The following COLEC11 variants were observed in gnomAD, a reference collection of about 807,000 sequenced individuals.
COLEC11 encodes the protein collectin subfamily member 11.
A neutral mutation model predicts 27.3 loss-of-function variants in COLEC11; 20 were observed. The observed-to-expected ratio is 0.73, with a 90% CI of 0.51 to 1.06. The LOEUF (loss-of-function observed/expected upper bound fraction) is 1.06. Among genes scored for constraint, COLEC11 ranks in the 50% least tolerant of loss-of-function variants. The probability of loss-of-function intolerance (pLI) is 0.00; values close to 1 mark genes in which losing one functional copy is unlikely to be tolerated. For missense variants in COLEC11, 310 were observed against 383.0 expected (o/e 0.81, Z 1.59); for synonymous variants, 163 against 154.7 (o/e 1.05, Z -0.40).
At chr2:3,636,270 C>T (rs1484659359) in intron 3 of COLEC11, among the ~76,000 whole-genome samples, 1 of 152,186 alleles carries the variant, frequency 6.6e-6, no homozygotes, top group Non-Finnish European at 1.5e-5. Context: ...TCCTGGCTAA[C>T]ATAGTGAAAC....
chr2:3,613,980 CTT>C (rs57071680), intron 3 of COLEC11, among the ~76,000 whole-genome samples: 1 of 131,124 alleles, frequency 7.6e-6, no homozygotes, highest in Non-Finnish European at 1.6e-5. Flanking sequence ...TTCTTTCTTT[CTT>C]TTTTTTTTTT....
chr2:3,622,867 C>CAA (rs1322432640), intron 3 of COLEC11, among the ~76,000 whole-genome samples: 2 of 152,166 alleles, frequency 1.3e-5, no homozygotes, highest in African/African-American at 4.8e-5. Flanking sequence ...CAGACTAAGG[C>CAA]AAGTATATAG....
At position 3,604,015 on chromosome 2, in the gene COLEC11, T is replaced by C. The variant is rs1009340841; in HGVS notation, c.-26-300T>C. On this transcript the variant is annotated intron_variant, in intron 1 of 6. Coordinates refer to ENST00000349077, the MANE Select transcript of COLEC11 (RefSeq NM_024027.5). Reference sequence around the variant, plus strand: ...CTACTCCACTCTGTGTAGGAATCGTTTGTCCCAGAGATCAGATCGAACTCC... The same window carrying C: ...CTACTCCACTCTGTGTAGGAATCGTCTGTCCCAGAGATCAGATCGAACTCC... The C allele has an allele frequency of 3.9e-5, 22 of 568,676 alleles. No homozygotes were observed. In the South Asian group the frequency reaches 4.7e-4, roughly 12 times the overall value. 35.2% of individuals were successfully genotyped at this position (568,676 alleles called of 1,614,324 possible).
chr2:3,607,239 A>G (rs1389733445), intron 2 of COLEC11, among the ~76,000 whole-genome samples: 2 of 152,074 alleles, frequency 1.3e-5, no homozygotes, highest in Admixed American at 6.6e-5. Flanking sequence ...TAATAATAAT[A>G]TATTATCTTT....
chr2:3,598,746 G>A (rs567134227), intron 1 of COLEC11, among the ~76,000 whole-genome samples: 22 of 151,790 alleles, frequency 1.4e-4, no homozygotes, highest in Non-Finnish European at 2.5e-4. Context: ...GGCTGGAGGC[G>A]GGCCGTGGGT....
intron 3 of COLEC11, among the ~76,000 whole-genome samples, chr2:3,628,991 C>A (rs1016518075): frequency 6.6e-6 from 1 of 152,172 alleles, no homozygotes; most frequent in African/African-American, 2.4e-5. Context: ...TGCTGCATTC[C>A]TGTTGTCGCA....
chr2:3,606,592 C>T (rs1039618567), intron 2 of COLEC11, among the ~76,000 whole-genome samples: 6 of 152,296 alleles, frequency 3.9e-5, no homozygotes, highest in African/African-American at 1.4e-4. Context: ...GGACCCAGCC[C>T]CTGCTCCTTG....
intron 5 of COLEC11, among the ~76,000 whole-genome samples, chr2:3,643,236 C>A (rs1665999514): frequency 6.6e-6 from 1 of 152,230 alleles, no homozygotes. Flanking sequence ...GTTTGAAATA[C>A]ATGTGTCTGC....
At chr2:3,603,694 AG>A (rs1662409444) in intron 1 of COLEC11, 1 of 1,550,088 alleles carries the variant, frequency 6.5e-7, no homozygotes, top group Admixed American at 2.0e-5. Context: ...TGGGATGGTC[AG>A]ATGTCCATGA....
chr2:3,617,332 C>T (rs987576127), intron 3 of COLEC11, among the ~76,000 whole-genome samples: 28 of 152,216 alleles, frequency 1.8e-4, no homozygotes, highest in Non-Finnish European at 1.5e-4. Context: ...CCTTCACCAA[C>T]ATGCAAGTTC....
intron 2 of COLEC11, among the ~76,000 whole-genome samples, chr2:3,606,692 C>T (rs905181664): frequency 5.3e-5 from 8 of 152,192 alleles, no homozygotes; most frequent in African/African-American, 1.7e-4. Context: ...GCACGTGCCC[C>T]GCGAGTCCGC....
chr2:3,627,724 G>T, intron 3 of COLEC11, among the ~76,000 whole-genome samples: 1 of 151,902 alleles, frequency 6.6e-6, no homozygotes, highest in Non-Finnish European at 1.5e-5. Context: ...TGACGATGCT[G>T]GGCATGATGA....
chr2:3,633,655 G>C (rs1283617304), intron 3 of COLEC11, among the ~76,000 whole-genome samples: 2 of 152,190 alleles, frequency 1.3e-5, no homozygotes, highest in African/African-American at 4.8e-5. Context: ...GCGTGAAGAC[G>C]TGGAGGGGGA....
chr2:3,608,675 A>G (rs1313089587), intron 2 of COLEC11, among the ~76,000 whole-genome samples: 1 of 152,162 alleles, frequency 6.6e-6, no homozygotes, highest in Non-Finnish European at 1.5e-5. Context: ...AAAAAACAAA[A>G]ACAAAACAAA....
At chr2:3,597,630 G>A (rs1346322676) in intron 1 of COLEC11, among the ~76,000 whole-genome samples, 1 of 151,904 alleles carries the variant, frequency 6.6e-6, no homozygotes, top group Non-Finnish European at 1.5e-5. Flanking sequence ...ATCACTTCTA[G>A]CTAGAGGGGA....
At chr2:3,604,869 C>T in intron 2 of COLEC11, 4 of 373,950 alleles carry the variant, frequency 1.1e-5, no homozygotes, top group Non-Finnish European at 1.6e-5. Context: ...CCAAAGTGTG[C>T]TTCTACATTG....
intron 3 of COLEC11, among the ~76,000 whole-genome samples, chr2:3,627,081 T>C (rs1374139122): frequency 1.3e-5 from 2 of 152,200 alleles, no homozygotes; most frequent in Non-Finnish European, 2.9e-5. Flanking sequence ...GGCAGTTCCC[T>C]GATGACCGGT....
intron 3 of COLEC11, among the ~76,000 whole-genome samples, chr2:3,615,940 G>T (rs1444284478): frequency 1.1e-5 from 1 of 94,954 alleles, no homozygotes; most frequent in South Asian, 4.8e-4. Flanking sequence ...CTGCCGGGTG[G>T]AGATGCTCCT....
intron 3 of COLEC11, among the ~76,000 whole-genome samples, chr2:3,620,099 T>C (rs976479662): frequency 6.6e-6 from 1 of 152,182 alleles, no homozygotes; most frequent in Non-Finnish European, 1.5e-5. Flanking sequence ...AGAAGTATTC[T>C]CTCCTCTTCA....
Sources: allele counts gnomAD v4.1 joint callset (sites outside exome capture counted in the v4.1 genomes callset), GRCh38; gene constraint gnomAD v4.1.1; transcripts MANE v1.5; gene names NCBI Gene and HGNC (gene_info 2026-07-23, HGNC 2026-07-21).